Variants in TMEM71 observed in about 807,000 individuals in gnomAD.
TMEM71 encodes the protein transmembrane protein 71.
A neutral mutation model predicts 38.0 loss-of-function variants in TMEM71; 44 were observed. That is an observed-to-expected ratio of 1.16 (90% CI 0.91 to 1.49). The LOEUF (loss-of-function observed/expected upper bound fraction) is 1.49. Among genes scored for constraint, TMEM71 ranks in the 40% most tolerant of loss-of-function variants. The probability of loss-of-function intolerance (pLI) is 0.00; values close to 1 mark genes in which losing one functional copy is unlikely to be tolerated. For synonymous variants in TMEM71, 133 were observed against 122.5 expected (o/e 1.09, Z -0.56); for missense variants, 367 against 348.6 (o/e 1.05, Z -0.42).
chr8:132,706,117 C>T (rs1826091383), downstream of TMEM71, among the ~76,000 whole-genome samples: 1 of 152,150 alleles, frequency 6.6e-6, no homozygotes, highest in Admixed American at 6.6e-5. Flanking sequence ...TGAGCCCTCA[C>T]CAGACACCAA....
chr8:132,722,417 G>A (rs1473050480), intron 6 of TMEM71, among the ~76,000 whole-genome samples: 1 of 152,184 alleles, frequency 6.6e-6, no homozygotes, highest in Non-Finnish European at 1.5e-5. Context: ...GCTTTGTAGA[G>A]TTTATGATAA....
At chr8:132,755,084 G>A (rs1828930234) in intron 3 of TMEM71, among the ~76,000 whole-genome samples, 1 of 152,086 alleles carries the variant, frequency 6.6e-6, no homozygotes, top group South Asian at 2.1e-4. Flanking sequence ...GAATTAATGG[G>A]GCAACTATAT....
Position 132,714,212 on chromosome 8 carries a change from C to T in TMEM71, c.756G>A (p.Trp252Ter). ...CACTGGCTAATATTTCTCCCATAAACCATCTGAAACAACAAGATTGCTCTG... is the reference window on the plus strand; with the variant it reads ...CACTGGCTAATATTTCTCCCATAAATCATCTGAAACAACAAGATTGCTCTG... ...VCLIISACAR[W>*]FMGEILASVF... is the part of the protein sequence containing the mutation. Residue 252 changes from tryptophan to a stop codon, truncating the protein, a stop_gained, in exon 8 of 10, where the codon TGG (tryptophan) becomes TGA (stop). Transcript: ENST00000677595. LOFTEE classifies it high-confidence loss of function. 1 of 1,610,438 alleles carries T rather than the reference C, an allele frequency of 6.2e-7. No individual in the cohort carries two copies. Among genetic ancestry groups the T allele is most frequent in the Non-Finnish European group, 8.5e-7 (1 of 1,178,212 alleles).
At chr8:132,774,320 G>C in the TMEM71 span, among the ~76,000 whole-genome samples, 1 of 152,298 alleles carries the variant, frequency 6.6e-6, no homozygotes, top group East Asian at 1.9e-4. Flanking sequence ...ACTAGAGACT[G>C]TCTTATTTAT....
At chr8:132,706,739 A>G (rs1293758421), downstream of TMEM71, among the ~76,000 whole-genome samples, 1 of 152,158 alleles carries the variant, frequency 6.6e-6, no homozygotes. Context: ...AATCTGAACC[A>G]CTGGGCAATC....
At chr8:132,734,045 G>T (rs2739016) in intron 5 of TMEM71, among the ~76,000 whole-genome samples, 1 of 151,712 alleles carries the variant, frequency 6.6e-6, no homozygotes, top group African/African-American at 2.4e-5. Context: ...ATGTGAATAT[G>T]GTCTCAGTTA....
At chr8:132,770,721 T>C in the TMEM71 span, among the ~76,000 whole-genome samples, 1 of 152,228 alleles carries the variant, frequency 6.6e-6, no homozygotes, top group Non-Finnish European at 1.5e-5. Flanking sequence ...AAGCCTGTTT[T>C]CATAAAATTT....
intron 4 of TMEM71, among the ~76,000 whole-genome samples, chr8:132,750,640 T>C (rs773573946): frequency 6.6e-6 from 1 of 152,204 alleles, no homozygotes; most frequent in Non-Finnish European, 1.5e-5. Flanking sequence ...AGTTATTTGT[T>C]ACACAGCTTT....
chr8:132,762,995 A>G (rs1317696294), upstream of TMEM71, among the ~76,000 whole-genome samples: 1 of 152,052 alleles, frequency 6.6e-6, no homozygotes, highest in South Asian at 2.1e-4. Context: ...TTCCCCTCTC[A>G]ATCTTCTCTC....
chr8:132,751,294 G>A (rs1282106647), intron 4 of TMEM71, among the ~76,000 whole-genome samples: 1 of 152,124 alleles, frequency 6.6e-6, no homozygotes, highest in Non-Finnish European at 1.5e-5. Context: ...CAGAACCCCA[G>A]ACCTGTGCCA....
At chr8:132,736,823 T>A (rs1230059499) in intron 5 of TMEM71, among the ~76,000 whole-genome samples, 3 of 89,772 alleles carry the variant, frequency 3.3e-5, no homozygotes, top group Non-Finnish European at 7.7e-5. Context: ...AGAGTGAGAC[T>A]CTGTCTCAAA....
intron 5 of TMEM71, among the ~76,000 whole-genome samples, chr8:132,735,580 T>C (rs1030173679): frequency 6.6e-6 from 1 of 152,126 alleles, no homozygotes; most frequent in Non-Finnish European, 1.5e-5. Context: ...TGGATGGAGG[T>C]AGTTTGATTT....
At chr8:132,746,663 T>C (rs1828404050) in intron 5 of TMEM71, among the ~76,000 whole-genome samples, 1 of 151,856 alleles carries the variant, frequency 6.6e-6, no homozygotes, top group African/African-American at 2.4e-5. Flanking sequence ...CCAATATCCC[T>C]TACAGAAAAA....
chr8:132,717,671 T>C (rs1826607403), intron 7 of TMEM71, among the ~76,000 whole-genome samples: 2 of 152,204 alleles, frequency 1.3e-5, no homozygotes, highest in South Asian at 2.1e-4. Flanking sequence ...GCAGTCCTAT[T>C]GGAAAACGTT....
intron 6 of TMEM71, among the ~76,000 whole-genome samples, chr8:132,723,421 T>C (rs1277510917): frequency 6.6e-6 from 1 of 152,220 alleles, no homozygotes; most frequent in East Asian, 1.9e-4. Context: ...TGATTTGGGA[T>C]GAATTATTCA....
chr8:132,762,639 G>A (rs999008131), upstream of TMEM71, among the ~76,000 whole-genome samples: 7 of 152,132 alleles, frequency 4.6e-5, no homozygotes, highest in Non-Finnish European at 8.8e-5. Context: ...GGGAGATGCT[G>A]TATTATTATT....
At chr8:132,770,804 G>A in the TMEM71 span, among the ~76,000 whole-genome samples, 1 of 152,158 alleles carries the variant, frequency 6.6e-6, no homozygotes, top group Non-Finnish European at 1.5e-5. Flanking sequence ...GAATTGTTTA[G>A]GGTAGCTTGC....
intron 9 of TMEM71, among the ~76,000 whole-genome samples, chr8:132,711,718 C>G (rs1438757745): frequency 6.6e-6 from 1 of 152,076 alleles, no homozygotes; most frequent in Non-Finnish European, 1.5e-5. Context: ...TAAATTTAAT[C>G]AGGAAAGCAG....
At chr8:132,773,263 A>G in the TMEM71 span, among the ~76,000 whole-genome samples, 1 of 152,196 alleles carries the variant, frequency 6.6e-6, no homozygotes. Flanking sequence ...CTCCATTTCC[A>G]AAGTGCCCTC....
Sources: allele counts gnomAD v4.1 joint callset (sites outside exome capture counted in the v4.1 genomes callset), GRCh38; gene constraint gnomAD v4.1.1; transcripts MANE v1.5; gene names NCBI Gene and HGNC (gene_info 2026-07-23, HGNC 2026-07-21).